The following PPP3R1 variants were observed in gnomAD, a reference collection of about 807,000 sequenced individuals.
PPP3R1 encodes calcineurin subunit B type 1.
PPP3R1 carries 5 observed loss-of-function variants against 22.6 expected under a neutral mutation model. The observed-to-expected ratio is 0.22, with a 90% CI of 0.12 to 0.46. PPP3R1 has a LOEUF of 0.46. Ranked by LOEUF, PPP3R1 falls within the 20% of genes least tolerant of loss-of-function variation. The pLI is 0.99. For missense variants in PPP3R1, 61 were observed against 203.2 expected, an observed-to-expected ratio of 0.30 and a Z score of 4.25; for synonymous variants, 56 against 65.2, an observed-to-expected ratio of 0.86 and a Z score of 0.68.
At chr2:68,219,513 G>A (rs1300522157) in intron 1 of PPP3R1, among the ~76,000 whole-genome samples, 2 of 152,122 alleles carry the variant, frequency 1.3e-5, no homozygotes, top group African/African-American at 4.8e-5. Flanking sequence ...CAGGTTTGGT[G>A]TGTGGGCTAT....
intron 2 of PPP3R1, among the ~76,000 whole-genome samples, chr2:68,206,702 A>G (rs1311363506): frequency 6.6e-6 from 1 of 152,196 alleles, no homozygotes; most frequent in Non-Finnish European, 1.5e-5. Flanking sequence ...ATTTCTCGTA[A>G]TAGTTTACCC....
At chr2:68,198,230 T>C (rs1405207553) in intron 2 of PPP3R1, among the ~76,000 whole-genome samples, 4 of 116,100 alleles carry the variant, frequency 3.4e-5, no homozygotes, top group African/African-American at 9.0e-5. Context: ...ATTTTACATA[T>C]ATGTATACAC....
At chr2:68,244,942 T>G (rs72896441) in intron 1 of PPP3R1, among the ~76,000 whole-genome samples, 5,146 of 152,274 alleles carry the variant, frequency 0.034, 257 homozygotes, top group African/African-American at 0.11. Context: ...TCCCCTGCAA[T>G]CTTATGTTTG....
intron 1 of PPP3R1, among the ~76,000 whole-genome samples, chr2:68,242,610 A>G (rs1670157299): frequency 1.3e-5 from 2 of 152,208 alleles, no homozygotes. Flanking sequence ...TCTATTTGTT[A>G]GGGAACACAG....
chr2:68,246,067 CTTTTTTTTTTTTTT>C lies in PPP3R1; in HGVS notation c.3+6044_3+6057del, dbSNP rs746584723. 9.3e-4 allele frequency among the ~76,000 whole-genome samples: 69 copies of C among 73,820 alleles called. 1 individual carries two copies. The highest frequency in any genetic ancestry group is 1.3e-3 in the Non-Finnish European group (58 of 43,598). 48.4% of individuals were successfully genotyped at this position (73,820 alleles called of 152,430 possible). Reference sequence around the variant, plus strand: ...CTTTTTACTGACTTTTTCTTTCTTTCTTTTTTTTTTTTTTTTTTTTTTTTTGAGACAGAGTCTTG... The same window carrying C: ...CTTTTTACTGACTTTTTCTTTCTTTCTTTTTTTTTTTGAGACAGAGTCTTG... On this transcript the variant is annotated intron_variant, in intron 1 of 5. Transcript: ENST00000234310.
chr2:68,217,201 ATTTT>A, intron 1 of PPP3R1, 70 bp from the exon 2 acceptor site: 1 of 1,113,934 alleles, frequency 9.0e-7, no homozygotes. Context: ...AAACCTAAAT[ATTTT>A]AAGTCAAAAA....
intron 2 of PPP3R1, among the ~76,000 whole-genome samples, chr2:68,213,080 C>T (rs1669515582): frequency 1.3e-5 from 2 of 152,312 alleles, no homozygotes; most frequent in South Asian, 4.1e-4. Flanking sequence ...CTATCCAGAC[C>T]ATAAAAATTT....
intron 1 of PPP3R1, among the ~76,000 whole-genome samples, chr2:68,248,341 T>C (rs554031279): frequency 9.8e-5 from 15 of 152,346 alleles, no homozygotes; most frequent in East Asian, 3.9e-4. Context: ...AGTCTGTTAA[T>C]AGCACATAGC....
intron 2 of PPP3R1, among the ~76,000 whole-genome samples, chr2:68,199,949 A>G (rs1174594083): frequency 1.3e-5 from 2 of 152,032 alleles, no homozygotes; most frequent in Non-Finnish European, 2.9e-5. Context: ...GCTAGCTTCT[A>G]TTTTCTAAGA....
intron 2 of PPP3R1, among the ~76,000 whole-genome samples, chr2:68,206,296 C>A (rs974610438): frequency 9.9e-5 from 15 of 152,020 alleles, no homozygotes; most frequent in African/African-American, 3.6e-4. Context: ...AGCACAAGAT[C>A]AAAAGCACAG....
intron 2 of PPP3R1, among the ~76,000 whole-genome samples, chr2:68,198,618 G>A (rs1271111881): frequency 6.6e-6 from 1 of 151,882 alleles, no homozygotes; most frequent in Non-Finnish European, 1.5e-5. Flanking sequence ...AAATCGAGGA[G>A]CTGTACTTTT....
intron 1 of PPP3R1, 32 bp downstream of exon 1, chr2:68,252,093 G>A: frequency 2.1e-6 from 3 of 1,421,424 alleles, no homozygotes; most frequent in South Asian, 1.4e-5. Context: ...AGTAGGGGGA[G>A]GGATGGTGCA....
intron 5 of PPP3R1, 105 bp from the exon 6 acceptor site, chr2:68,181,115 C>A: frequency 9.1e-7 from 1 of 1,096,186 alleles, no homozygotes; most frequent in Non-Finnish European, 1.4e-6. Context: ...GGGGGCTGGG[C>A]GTGGTGGCTC....
intron 1 of PPP3R1, among the ~76,000 whole-genome samples, chr2:68,247,754 T>C (rs1370514893): frequency 6.6e-6 from 1 of 152,210 alleles, no homozygotes; most frequent in African/African-American, 2.4e-5. Flanking sequence ...TCACCACCTC[T>C]TTTCTTCCCC....
At chr2:68,230,751 T>C (rs2103791790) in intron 1 of PPP3R1, among the ~76,000 whole-genome samples, 1 of 152,336 alleles carries the variant, frequency 6.6e-6, no homozygotes, top group Middle Eastern at 3.4e-3. Context: ...GATTTCCCTT[T>C]CATTCCAGAA....
chr2:68,184,249 G>A (rs1674483723), intron 5 of PPP3R1, among the ~76,000 whole-genome samples: 2 of 152,256 alleles, frequency 1.3e-5, no homozygotes, highest in South Asian at 4.2e-4. Context: ...CTCACTTCCA[G>A]TTGCTTGTGC....
intron 2 of PPP3R1, among the ~76,000 whole-genome samples, chr2:68,205,420 T>G (rs1425480701): frequency 1.3e-5 from 2 of 151,928 alleles, no homozygotes; most frequent in Non-Finnish European, 2.9e-5. Context: ...CTTTTTACAT[T>G]TTTAGTAGAG....
chr2:68,232,687 A>C (rs1364263023), intron 1 of PPP3R1, among the ~76,000 whole-genome samples: 1 of 151,832 alleles, frequency 6.6e-6, no homozygotes, highest in Non-Finnish European at 1.5e-5. Context: ...GCTCACTGCA[A>C]TCTCCACCTC....
At chr2:68,230,246 A>G (rs184469829) in intron 1 of PPP3R1, among the ~76,000 whole-genome samples, 431 of 152,074 alleles carry the variant, frequency 2.8e-3, no homozygotes, top group Non-Finnish European at 4.1e-3. Context: ...ACATGCCTCA[A>G]CCTTCCAAAG....
Sources: gnomAD v4.1 joint callset for allele counts (sites outside exome capture counted in the v4.1 genomes callset) on GRCh38, gnomAD v4.1.1 for gene constraint, MANE v1.5 for transcripts, NCBI Gene and HGNC (gene_info 2026-07-23, HGNC 2026-07-21) for gene names.